The following ST8SIA6 variants were observed in gnomAD, a reference collection of about 807,000 sequenced individuals.
ST8SIA6 encodes alpha-2,8-sialyltransferase 8F.
Under a neutral mutation model 33.6 loss-of-function variants are expected in ST8SIA6, and 39 were observed. That is an observed-to-expected ratio of 1.16 (90% CI 0.90 to 1.52). The LOEUF (loss-of-function observed/expected upper bound fraction) is 1.52. ST8SIA6 is among the 40% of genes most tolerant of loss of function. ST8SIA6 has a pLI of 0.00. For synonymous variants in ST8SIA6, 172 were observed against 167.2 expected (o/e 1.03, Z -0.22); for missense variants, 441 against 443.8 (o/e 0.99, Z 0.06).
chr10:17,404,252 A>G (rs1851165134), intron 2 of ST8SIA6, among the ~76,000 whole-genome samples: 1 of 152,108 alleles, frequency 6.6e-6, no homozygotes, highest in Non-Finnish European at 1.5e-5. Context: ...AGACACTGGA[A>G]GATTAAATAA....
intron 4 of ST8SIA6, among the ~76,000 whole-genome samples, chr10:17,337,420 C>T (rs1341048211): frequency 6.6e-6 from 1 of 152,146 alleles, no homozygotes; most frequent in Non-Finnish European, 1.5e-5. Flanking sequence ...GTTTAGCCAT[C>T]CCCCTTGCAA....
At chr10:17,339,552 T>C (rs1330082080) in intron 4 of ST8SIA6, among the ~76,000 whole-genome samples, 1 of 152,242 alleles carries the variant, frequency 6.6e-6, no homozygotes, top group Non-Finnish European at 1.5e-5. Flanking sequence ...ACATTTCTTT[T>C]TCTTCACGAA....
In ST8SIA6 at chr10:17,321,163, C is replaced by A; in HGVS notation, c.912G>T (p.Leu304=). 2 of 1,614,062 alleles carry A rather than the reference C, an allele frequency of 1.2e-6. No individual in the cohort carries two copies. The highest frequency in any genetic ancestry group is 1.7e-6 in the Non-Finnish European group (2 of 1,179,982). ...TTCTCCAGAAAAGGGCCAGATCTTT[C>A]AGGTACTTGGGATGGAAAAATAGAA... The part of the protein sequence containing the change: ...QKVLFFHPKY[L]KDLALFWRTK... The change falls in exon 8 of 8, where the codon CTG becomes CTT. Residue 304 remains leucine, a synonymous_variant. Coordinates refer to ENST00000377602, the MANE Select transcript of ST8SIA6 (RefSeq NM_001004470.3).
chr10:17,439,874 G>C (rs1022681776), intron 2 of ST8SIA6, among the ~76,000 whole-genome samples: 3 of 152,186 alleles, frequency 2.0e-5, no homozygotes, highest in Non-Finnish European at 4.4e-5. Flanking sequence ...TATCTATGCA[G>C]CTGTTCCTAC....
At chr10:17,351,376 A>T (rs917653130) in intron 4 of ST8SIA6, among the ~76,000 whole-genome samples, 23 of 148,968 alleles carry the variant, frequency 1.5e-4, no homozygotes, top group African/African-American at 5.0e-4. Flanking sequence ...AAATGGGGTT[A>T]AAAAAAAAGT....
Position 17,445,086 on chromosome 10 carries a change from T to C in ST8SIA6, c.200+8473A>G, listed in dbSNP as rs528500600. On this transcript the variant is annotated intron_variant, in intron 2 of 7. Coordinates refer to ENST00000377602, the MANE Select transcript of ST8SIA6 (RefSeq NM_001004470.3). ...GAGCATGAGGTGGAAAGGAAAGTGGTAAAAGGGTAAAAATCAAGTGTTCTA... is the reference window on the plus strand; with the variant it reads ...GAGCATGAGGTGGAAAGGAAAGTGGCAAAAGGGTAAAAATCAAGTGTTCTA... Among the ~76,000 whole-genome samples the C allele has an allele frequency of 2.0e-5, 3 of 152,056 alleles. No individual in the cohort carries two copies. The South Asian group carries it at 6.3e-4, about 32-fold the overall frequency.
intron 3 of ST8SIA6, among the ~76,000 whole-genome samples, chr10:17,367,126 T>C (rs1849581724): frequency 6.6e-6 from 1 of 152,172 alleles, no homozygotes; most frequent in South Asian, 2.1e-4. Flanking sequence ...AACAGAATTT[T>C]CAGTATCTTG....
chr10:17,422,423 T>TTA (rs1203432234), intron 2 of ST8SIA6, among the ~76,000 whole-genome samples: 2 of 152,162 alleles, frequency 1.3e-5, no homozygotes, highest in African/African-American at 4.8e-5. Flanking sequence ...AAGACAAAAT[T>TTA]TATATATCCT....
At chr10:17,434,280 G>A (rs910816636) in intron 2 of ST8SIA6, among the ~76,000 whole-genome samples, 1 of 152,130 alleles carries the variant, frequency 6.6e-6, no homozygotes, top group African/African-American at 2.4e-5. Context: ...AACAATTGAC[G>A]TGCTTTGCTA....
At position 17,321,037 on chromosome 10, in the gene ST8SIA6, G is replaced by A; in HGVS notation, c.1038C>T (p.Phe346=). 2 of 1,614,008 alleles carry A rather than the reference G, an allele frequency of 1.2e-6. No individual in the cohort carries two copies. The highest frequency in any genetic ancestry group is 1.7e-6 in the Non-Finnish European group (2 of 1,179,972). Residue 346 remains phenylalanine, a synonymous_variant, in exon 8 of 8, where the codon TTC becomes TTT. Coordinates refer to ENST00000377602, the MANE Select transcript of ST8SIA6 (RefSeq NM_001004470.3). ...CAGGTATGTCTTCTACAGTTTTAGA[G>A]AAGGGCCAGAATCCATACAGCTTCA... ...KNVKLYGFWP[F]SKTVEDIPVS...
chr10:17,443,721 A>T (rs548020418), intron 2 of ST8SIA6, among the ~76,000 whole-genome samples: 1 of 152,334 alleles, frequency 6.6e-6, no homozygotes, highest in African/African-American at 2.4e-5. Context: ...GCCCTGGACA[A>T]GCTAAACTCC....
intron 4 of ST8SIA6, among the ~76,000 whole-genome samples, chr10:17,337,059 T>C (rs1848523802): frequency 6.6e-6 from 1 of 152,072 alleles, no homozygotes; most frequent in Non-Finnish European, 1.5e-5. Context: ...GACTGGATCA[T>C]GGGGGTGGAT....
chr10:17,452,248 G>A (rs1340863728), intron 2 of ST8SIA6, among the ~76,000 whole-genome samples: 1 of 152,162 alleles, frequency 6.6e-6, no homozygotes, highest in African/African-American at 2.4e-5. Flanking sequence ...ATGAGGGGGT[G>A]GCAGGCAGTG....
chr10:17,331,458 T>G lies in ST8SIA6; in HGVS notation c.472A>C (p.Ser158Arg). The G allele has an allele frequency of 1.2e-6, 2 of 1,613,778 alleles. No homozygotes were observed. Among genetic ancestry groups the G allele is most frequent in the Non-Finnish European group, 1.7e-6 (2 of 1,179,868 alleles). Reference protein sequence around the residue: ...VGTNMSYEVESKKEIPIKKNI... With the variant: ...VGTNMSYEVERKKEIPIKKNI... ...TTCTTAATTGGGATTTCTTTTTTGC[T>G]TTCCACCTCGTAACTCATATTAGTC... is the stretch of plus-strand genomic sequence containing the variant. Residue 158 changes from serine (S) to arginine (R), a missense_variant, in exon 5 of 8, where the codon AGC (serine) becomes CGC (arginine). Coordinates refer to ENST00000377602, the MANE Select transcript of ST8SIA6 (RefSeq NM_001004470.3).
intron 2 of ST8SIA6, among the ~76,000 whole-genome samples, chr10:17,401,986 T>C (rs1347941047): frequency 1.3e-5 from 2 of 151,908 alleles, no homozygotes; most frequent in African/African-American, 4.8e-5. Context: ...ACCATCAGAG[T>C]GAAGAGGCAA....
At chr10:17,408,643 G>A (rs769391445) in intron 2 of ST8SIA6, among the ~76,000 whole-genome samples, 3 of 151,860 alleles carry the variant, frequency 2.0e-5, no homozygotes, top group African/African-American at 7.3e-5. Flanking sequence ...CTGGGTGACA[G>A]AGCGAGATTG....
chr10:17,393,713 G>A (rs1439224604), intron 2 of ST8SIA6, among the ~76,000 whole-genome samples: 2 of 152,152 alleles, frequency 1.3e-5, no homozygotes, highest in Admixed American at 1.3e-4. Context: ...GGACTTCCTA[G>A]GAGATTGGAT....
At chr10:17,396,459 C>T (rs1850809305) in intron 2 of ST8SIA6, among the ~76,000 whole-genome samples, 2 of 151,966 alleles carry the variant, frequency 1.3e-5, no homozygotes. Flanking sequence ...TGCCTATTCT[C>T]TGGACTCCTA....
chr10:17,339,177 T>A (rs1346692629), intron 4 of ST8SIA6, among the ~76,000 whole-genome samples: 1 of 152,214 alleles, frequency 6.6e-6, no homozygotes, highest in Non-Finnish European at 1.5e-5. Flanking sequence ...TGTTTTTATT[T>A]GTTTCAAGTC....
Sources: gnomAD v4.1 joint callset for allele counts (sites outside exome capture counted in the v4.1 genomes callset) on GRCh38, gnomAD v4.1.1 for gene constraint, MANE v1.5 for transcripts, NCBI Gene and HGNC (gene_info 2026-07-23, HGNC 2026-07-21) for gene names.